The following BRINP2 variants were observed in gnomAD, a reference collection of about 807,000 sequenced individuals.
The protein encoded by BRINP2 is BMP/retinoic acid-inducible neural-specific protein 2.
A neutral mutation model predicts 69.2 loss-of-function variants in BRINP2; 21 were observed. That is an observed-to-expected ratio of 0.30 (90% CI 0.22 to 0.44). The LOEUF is 0.44. Among genes scored for constraint, BRINP2 ranks in the 20% least tolerant of loss-of-function variants. The pLI is 1.00. For synonymous variants in BRINP2, 380 were observed against 394.1 expected (o/e 0.96, Z 0.42); for missense variants, 877 against 986.0 (o/e 0.89, Z 1.48).
At chr1:177,196,393 G>T (rs1648747363) in intron 1 of BRINP2, among the ~76,000 whole-genome samples, 1 of 152,108 alleles carries the variant, frequency 6.6e-6, no homozygotes, top group African/African-American at 2.4e-5. Flanking sequence ...CAAAGTGGGT[G>T]GATCACCTGA....
intron 1 of BRINP2, among the ~76,000 whole-genome samples, chr1:177,199,461 G>T (rs915041779): frequency 6.6e-6 from 1 of 152,124 alleles, no homozygotes; most frequent in African/African-American, 2.4e-5. Flanking sequence ...TTCCCCAAAT[G>T]TCCCAGGCAG....
At position 177,272,554 on chromosome 1, in the gene BRINP2, C is replaced by G. The variant is rs779745960; in HGVS notation, c.670-934C>G. Among the ~76,000 whole-genome samples, 72 of 152,206 alleles carry G rather than the reference C, an allele frequency of 4.7e-4. 1 individual carries two copies. The highest frequency in any genetic ancestry group is 2.6e-4 in the Non-Finnish European group (18 of 68,044). ...GATCACATACTTGCAGAAAGGGATG[C>G]AAAACTGCAACTCCTGTGCCTGCTG... On this transcript the variant is annotated intron_variant, in intron 4 of 7. Transcript: ENST00000361539.
intron 1 of BRINP2, among the ~76,000 whole-genome samples, chr1:177,225,923 T>A (rs556508590): frequency 6.6e-6 from 1 of 152,348 alleles, no homozygotes; most frequent in East Asian, 1.9e-4. Context: ...CGGCACTGAA[T>A]TCAGGCATTC....
intron 1 of BRINP2, among the ~76,000 whole-genome samples, chr1:177,193,311 A>T (rs541765239): frequency 3.9e-5 from 6 of 152,338 alleles, no homozygotes; most frequent in African/African-American, 9.6e-5. Flanking sequence ...AGCAATAATA[A>T]ATGCCTGCAT....
At chr1:177,189,512 T>C (rs1571887732) in intron 1 of BRINP2, among the ~76,000 whole-genome samples, 1 of 152,200 alleles carries the variant, frequency 6.6e-6, no homozygotes, top group Non-Finnish European at 1.5e-5. Context: ...AAATTACCTC[T>C]GGGGTGGCCA....
intron 2 of BRINP2, among the ~76,000 whole-genome samples, chr1:177,235,814 C>G (rs568059568): frequency 6.6e-6 from 1 of 152,222 alleles, no homozygotes; most frequent in South Asian, 2.1e-4. Context: ...CATTATCACG[C>G]GGCTTCAGGG....
intron 1 of BRINP2, among the ~76,000 whole-genome samples, chr1:177,181,929 C>A (rs1355945666): frequency 6.6e-6 from 1 of 152,184 alleles, no homozygotes; most frequent in Non-Finnish European, 1.5e-5. Flanking sequence ...CGGAGGTTGC[C>A]GAGGAGTGGC....
chr1:177,238,702 A>G (rs1650109068), intron 2 of BRINP2, among the ~76,000 whole-genome samples: 1 of 152,228 alleles, frequency 6.6e-6, no homozygotes, highest in African/African-American at 2.4e-5. Context: ...GAAAAGAGTA[A>G]AGTGACAAAG....
At chr1:177,179,549 A>G (rs1456432667) in intron 1 of BRINP2, among the ~76,000 whole-genome samples, 2 of 151,960 alleles carry the variant, frequency 1.3e-5, no homozygotes, top group East Asian at 1.9e-4. Context: ...GCTGCATCCT[A>G]CAAGGGTAGG....
intron 1 of BRINP2, among the ~76,000 whole-genome samples, chr1:177,196,723 C>T (rs1473023430): frequency 6.6e-6 from 1 of 152,088 alleles, no homozygotes; most frequent in African/African-American, 2.4e-5. Context: ...TTTTAATATG[C>T]CCTTTGGTTG....
intron 1 of BRINP2, among the ~76,000 whole-genome samples, chr1:177,216,597 T>C (rs1315795338): frequency 1.3e-5 from 2 of 152,128 alleles, no homozygotes; most frequent in East Asian, 3.8e-4. Context: ...TTTTGTACTT[T>C]CATAAATTTT....
chr1:177,175,326 C>T (rs1648058524), intron 1 of BRINP2, among the ~76,000 whole-genome samples: 1 of 152,076 alleles, frequency 6.6e-6, no homozygotes, highest in Admixed American at 6.5e-5. Flanking sequence ...TGAAGCTGTA[C>T]CACAGGGCAC....
intron 6 of BRINP2, among the ~76,000 whole-genome samples, chr1:177,277,760 T>G (rs1185488304): frequency 6.6e-6 from 1 of 152,042 alleles, no homozygotes; most frequent in South Asian, 2.1e-4. Context: ...TTTACTACTA[T>G]GAGTTACTGC....
At chr1:177,278,887 T>C in intron 7 of BRINP2, 102 bp downstream of exon 7, 1 of 1,130,376 alleles carries the variant, frequency 8.8e-7, no homozygotes, top group Non-Finnish European at 1.3e-6. Flanking sequence ...CAGGGAGTGG[T>C]GACTCACACA....
intron 1 of BRINP2, among the ~76,000 whole-genome samples, chr1:177,174,957 T>C (rs1648044184): frequency 5.3e-5 from 8 of 152,156 alleles, no homozygotes. Context: ...ATCAACATGA[T>C]ATCAAAAAAT....
intron 1 of BRINP2, among the ~76,000 whole-genome samples, chr1:177,204,169 A>G (rs1227283533): frequency 2.0e-5 from 3 of 152,186 alleles, no homozygotes; most frequent in African/African-American, 7.2e-5. Flanking sequence ...TTTGCCCTTC[A>G]CTGTGATAGA....
At chr1:177,258,299 G>T (rs1305708414) in intron 4 of BRINP2, among the ~76,000 whole-genome samples, 1 of 152,146 alleles carries the variant, frequency 6.6e-6, no homozygotes, top group Non-Finnish European at 1.5e-5. Context: ...CTTCAAAGTT[G>T]TCTTATATCC....
chr1:177,217,245 T>C (rs576390958), intron 1 of BRINP2, among the ~76,000 whole-genome samples: 136 of 152,266 alleles, frequency 8.9e-4, no homozygotes, highest in African/African-American at 2.9e-3. Flanking sequence ...AAATTTTCTG[T>C]CTTCATGTTT....
rs370584818 is a variant in BRINP2 at position 177,186,992 on chromosome 1, A to T, written c.-77+15260A>T. 7.2e-5 allele frequency among the ~76,000 whole-genome samples: 11 copies of T among 152,326 alleles called. No individual in the cohort carries two copies. In the East Asian group the frequency reaches 2.1e-3, roughly 29 times the overall value. Reference sequence around the variant, plus strand: ...GAGAGGCAAAGTCCAAACCTAAGTCAGATCTGTCTGACCCAAACTGCCAAT... The same window carrying T: ...GAGAGGCAAAGTCCAAACCTAAGTCTGATCTGTCTGACCCAAACTGCCAAT... On this transcript the variant is annotated intron_variant, in intron 1 of 7. Transcript: ENST00000361539.
Sources: allele counts gnomAD v4.1 joint callset (sites outside exome capture counted in the v4.1 genomes callset), GRCh38; gene constraint gnomAD v4.1.1; transcripts MANE v1.5; gene names NCBI Gene and HGNC (gene_info 2026-07-23, HGNC 2026-07-21).